The following ABTB3 variants were observed in gnomAD, a reference collection of about 807,000 sequenced individuals.
ABTB3 encodes the protein ankyrin repeat and BTB domain containing 3.
At chr12:107,353,348 A>C in the ABTB3 span, among the ~76,000 whole-genome samples, 1 of 152,142 alleles carries the variant, frequency 6.6e-6, no homozygotes, top group Non-Finnish European at 1.5e-5. Flanking sequence ...ACAATCAAAG[A>C]CTGAGAGATG....
the ABTB3 span, among the ~76,000 whole-genome samples, chr12:107,508,826 G>A: frequency 6.6e-6 from 1 of 152,122 alleles, no homozygotes; most frequent in African/African-American, 2.4e-5. Context: ...CACACCACAT[G>A]GCGTTATGCC....
At chr12:107,358,836 C>A in the ABTB3 span, among the ~76,000 whole-genome samples, 1 of 152,196 alleles carries the variant, frequency 6.6e-6, no homozygotes, top group Non-Finnish European at 1.5e-5. Context: ...CGGTGATTCA[C>A]CCTCCTCGCC....
At chr12:107,332,660 G>A in the ABTB3 span, among the ~76,000 whole-genome samples, 1 of 152,214 alleles carries the variant, frequency 6.6e-6, no homozygotes, top group South Asian at 2.1e-4. Context: ...GCTGTCCTGA[G>A]ACTGTGTGGC....
the ABTB3 span, chr12:107,612,870 G>A: frequency 6.2e-7 from 1 of 1,613,356 alleles, no homozygotes; most frequent in Non-Finnish European, 8.5e-7. Context: ...GAATGTGGAG[G>A]TGAGGGTGCA....
the ABTB3 span, among the ~76,000 whole-genome samples, chr12:107,575,653 G>C: frequency 6.6e-6 from 1 of 152,098 alleles, no homozygotes; most frequent in African/African-American, 2.4e-5. Context: ...GCATTACCTA[G>C]CTCATGGCCC....
the ABTB3 span, among the ~76,000 whole-genome samples, chr12:107,406,623 C>T: frequency 6.6e-6 from 1 of 152,198 alleles, no homozygotes; most frequent in Admixed American, 6.5e-5. Context: ...TTCATTTACT[C>T]TTTCAGTCTA....
chr12:107,518,156 G>A, the ABTB3 span, among the ~76,000 whole-genome samples: 1 of 152,188 alleles, frequency 6.6e-6, no homozygotes, highest in Non-Finnish European at 1.5e-5. Context: ...TTTTTACACT[G>A]TTGGTGGGAC....
the ABTB3 span, among the ~76,000 whole-genome samples, chr12:107,636,550 A>G: frequency 6.6e-6 from 1 of 152,180 alleles, no homozygotes; most frequent in African/African-American, 2.4e-5. Flanking sequence ...GACTATTTTA[A>G]AGTTATTTTT....
the ABTB3 span, among the ~76,000 whole-genome samples, chr12:107,427,048 C>G: frequency 6.6e-6 from 1 of 152,222 alleles, no homozygotes; most frequent in African/African-American, 2.4e-5. Context: ...CTCAAAGCAA[C>G]ACAGATGTCT....
chr12:107,517,685 T>C, the ABTB3 span, among the ~76,000 whole-genome samples: 1 of 152,126 alleles, frequency 6.6e-6, no homozygotes, highest in Non-Finnish European at 1.5e-5. Flanking sequence ...TTATTGGTGT[T>C]ATTGGTGTAT....
chr12:107,651,392 T>C, the ABTB3 span, among the ~76,000 whole-genome samples: 1 of 152,192 alleles, frequency 6.6e-6, no homozygotes, highest in Non-Finnish European at 1.5e-5. Flanking sequence ...TTTCTGGACA[T>C]AACAATTTTG....
chr12:107,500,409 A>G, the ABTB3 span, among the ~76,000 whole-genome samples: 1 of 152,178 alleles, frequency 6.6e-6, no homozygotes, highest in Admixed American at 6.5e-5. Context: ...CCAGGCAACC[A>G]AGATAGGCTG....
At chr12:107,377,184 A>G in the ABTB3 span, among the ~76,000 whole-genome samples, 1 of 152,180 alleles carries the variant, frequency 6.6e-6, no homozygotes, top group Non-Finnish European at 1.5e-5. Flanking sequence ...GCCCATGTCC[A>G]GGGACTGATT....
chr12:107,412,121 C>T, the ABTB3 span, among the ~76,000 whole-genome samples: 1 of 152,214 alleles, frequency 6.6e-6, no homozygotes, highest in Non-Finnish European at 1.5e-5. Flanking sequence ...CCCTCTATTA[C>T]TCTGCTTTAA....
At chr12:107,620,746 C>T in the ABTB3 span, among the ~76,000 whole-genome samples, 1 of 152,208 alleles carries the variant, frequency 6.6e-6, no homozygotes, top group Non-Finnish European at 1.5e-5. Context: ...GGGATTCACC[C>T]GTGCTGACAC....
the ABTB3 span, among the ~76,000 whole-genome samples, chr12:107,364,981 C>T: frequency 2.0e-5 from 3 of 152,258 alleles, no homozygotes; most frequent in East Asian, 5.8e-4. Context: ...ACAGTGGTTG[C>T]TCCAGTACTC....
chr12:107,563,991 G>T, the ABTB3 span, among the ~76,000 whole-genome samples: 1 of 152,080 alleles, frequency 6.6e-6, no homozygotes, highest in Non-Finnish European at 1.5e-5. Context: ...GCAGCAATGT[G>T]AAAGGATTGA....
chr12:107,546,695 C>T, the ABTB3 span, among the ~76,000 whole-genome samples: 2 of 152,084 alleles, frequency 1.3e-5, no homozygotes, highest in Non-Finnish European at 2.9e-5. Flanking sequence ...GAAACCCCAT[C>T]TCTACTAAAA....
chr12:107,320,027 G>A, the ABTB3 span: 1 of 1,555,014 alleles, frequency 6.4e-7, no homozygotes, highest in South Asian at 1.2e-5. Context: ...GGAGATCTGG[G>A]GTCTCCTGCA....
Sources: gnomAD v4.1 joint callset for allele counts (sites outside exome capture counted in the v4.1 genomes callset) on GRCh38, gnomAD v4.1.1 for gene constraint, MANE v1.5 for transcripts, NCBI Gene and HGNC (gene_info 2026-07-23, HGNC 2026-07-21) for gene names.